RBFOX1: variants seen among roughly 807,000 people sequenced by gnomAD.
RBFOX1 encodes RNA binding fox-1 homolog 1.
A neutral mutation model predicts 57.7 loss-of-function variants in RBFOX1; 8 were observed. The ratio of observed to expected loss-of-function variants is 0.14; its 90% CI spans 0.08 to 0.25. The LOEUF (loss-of-function observed/expected upper bound fraction) is 0.25. Ranked by LOEUF, RBFOX1 falls within the 10% of genes least tolerant of loss-of-function variation. The pLI, the probability that RBFOX1 is intolerant of heterozygous loss-of-function variation, is 1.00. For missense variants in RBFOX1, 611 were observed against 548.5 expected (o/e 1.11, Z -1.14); for synonymous variants, 326 against 222.4 (o/e 1.47, Z -4.15).
intron 3 of RBFOX1, among the ~76,000 whole-genome samples, chr16:6,882,491 G>T (rs192812060): frequency 1.3e-5 from 2 of 152,196 alleles, no homozygotes; most frequent in South Asian, 2.1e-4. Flanking sequence ...CTACTCCGGA[G>T]GGTGAGGCAG....
intron 2 of RBFOX1, among the ~76,000 whole-genome samples, chr16:5,575,616 G>T (rs142669281): frequency 1.3e-5 from 2 of 152,208 alleles, no homozygotes; most frequent in African/African-American, 2.4e-5. Context: ...ACCTGTCTCC[G>T]AAGCAAAGCT....
chr16:7,132,433 G>GACACACACACACAC (rs36226659), intron 4 of RBFOX1, among the ~76,000 whole-genome samples: 1 of 144,804 alleles, frequency 6.9e-6, no homozygotes, highest in Non-Finnish European at 1.5e-5. Flanking sequence ...GTGATACACA[G>GACACACACACACAC]ACACACACAC....
chr16:6,609,612 A>C (rs1310559707), intron 2 of RBFOX1, among the ~76,000 whole-genome samples: 4 of 152,084 alleles, frequency 2.6e-5, no homozygotes, highest in African/African-American at 9.7e-5. Context: ...AAATTTGTTT[A>C]TTTCTTTACT....
chr16:6,017,948 C>T (rs929715978), upstream of RBFOX1, among the ~76,000 whole-genome samples: 2 of 152,170 alleles, frequency 1.3e-5, no homozygotes. Flanking sequence ...ACAGGCGCCT[C>T]AGATCAAGTG....
At chr16:5,515,037 C>A (rs973097387) in intron 2 of RBFOX1, among the ~76,000 whole-genome samples, 12 of 151,792 alleles carry the variant, frequency 7.9e-5, no homozygotes, top group Admixed American at 3.9e-4. Flanking sequence ...GGAGCAAGGT[C>A]CCAGACTCTT....
rs142957870 is a variant in RBFOX1, at chr16:5,925,735, T to C, written c.351+58400T>C. Among the ~76,000 whole-genome samples, 598 of 152,340 alleles carry C rather than the reference T, an allele frequency of 3.9e-3. 5 individuals are homozygous for C. The highest frequency in any genetic ancestry group is 0.037 in the Middle Eastern group (11 of 294). On this transcript the variant is annotated intron_variant, in intron 4 of 19. Transcript: ENST00000641259. ...TTACCTAAAACTGTACATAATTGTA[T>C]GTGTAAAACCAGGTTGTTTTTCTCA...
At position 6,198,321 on chromosome 16, in the gene RBFOX1, G is replaced by C. The variant is rs74006931; in HGVS notation, c.-126-118674G>C. Among the ~76,000 whole-genome samples the C allele has an allele frequency of 2.0e-5, 3 of 152,306 alleles. No individual in the cohort carries two copies. In the East Asian group the frequency reaches 5.8e-4, roughly 29 times the overall value. On this transcript the variant is annotated intron_variant, in intron 1 of 15. Coordinates refer to ENST00000550418, the MANE Select transcript of RBFOX1 (RefSeq NM_018723.4). ...GGAGAAAGAATCAGCAAGACTTGAT[G>C]ACAAGATACATTCAAGGGAATAACA...
chr16:7,475,709 G>C (rs1052390226), intron 4 of RBFOX1, among the ~76,000 whole-genome samples: 1 of 152,168 alleles, frequency 6.6e-6, no homozygotes, highest in Non-Finnish European at 1.5e-5. Context: ...CACATGAATG[G>C]CCTCGGACAA....
At chr16:5,345,580 G>A (rs2065122515) in intron 1 of RBFOX1, among the ~76,000 whole-genome samples, 1 of 152,212 alleles carries the variant, frequency 6.6e-6, no homozygotes, top group Non-Finnish European at 1.5e-5. Context: ...TTCTGTTCAT[G>A]TGAAACAGTA....
At chr16:6,897,527 C>G (rs947836905) in intron 3 of RBFOX1, among the ~76,000 whole-genome samples, 2 of 152,234 alleles carry the variant, frequency 1.3e-5, no homozygotes, top group Non-Finnish European at 2.9e-5. Flanking sequence ...GGTGCAGTGG[C>G]TCACGCCTGT....
chr16:6,590,259 G>A (rs2097691744), intron 2 of RBFOX1, among the ~76,000 whole-genome samples: 1 of 152,138 alleles, frequency 6.6e-6, no homozygotes, highest in Admixed American at 6.5e-5. Flanking sequence ...ATGATCCTCA[G>A]AAATTGTACT....
At chr16:6,387,251 C>T (rs1283447993) in intron 2 of RBFOX1, among the ~76,000 whole-genome samples, 4 of 152,174 alleles carry the variant, frequency 2.6e-5, no homozygotes, top group Admixed American at 2.0e-4. Context: ...CTCCTGTAAG[C>T]ATCCGTAGCC....
intron 4 of RBFOX1, among the ~76,000 whole-genome samples, chr16:7,477,885 G>A (rs2063073771): frequency 6.6e-6 from 1 of 152,110 alleles, no homozygotes; most frequent in African/African-American, 2.4e-5. Context: ...GCTGGCAGCA[G>A]AGTCTAACAA....
At chr16:5,464,714 C>G (rs1296171157) in intron 1 of RBFOX1, among the ~76,000 whole-genome samples, 1 of 152,116 alleles carries the variant, frequency 6.6e-6, no homozygotes, top group African/African-American at 2.4e-5. Flanking sequence ...TGGCAAGAAG[C>G]AAAGAAAACA....
chr16:6,981,046 A>AAAAAAAAAAAAAAAAAAAAAAAAAAC (rs1198584627), intron 3 of RBFOX1, among the ~76,000 whole-genome samples: 1 of 150,876 alleles, frequency 6.6e-6, no homozygotes, highest in African/African-American at 2.4e-5. Context: ...CAGTCTCAAA[A>AAAAAAAAAAAAAAAAAAAAAAAAAAC]AAAAAAAAAA....
intron 1 of RBFOX1, among the ~76,000 whole-genome samples, chr16:6,230,323 T>C (rs930635686): frequency 2.0e-5 from 3 of 152,130 alleles, no homozygotes; most frequent in African/African-American, 7.2e-5. Flanking sequence ...ATTATAACAA[T>C]GTTGTTATAA....
At chr16:7,690,707 C>CTAT (rs1356360076) in intron 14 of RBFOX1, among the ~76,000 whole-genome samples, 1 of 152,046 alleles carries the variant, frequency 6.6e-6, no homozygotes, top group African/African-American at 2.4e-5. Context: ...ATAGCGGAGA[C>CTAT]ATTCGTCTCT....
chr16:7,119,510 A>G (rs2066641831), intron 4 of RBFOX1, among the ~76,000 whole-genome samples: 1 of 152,122 alleles, frequency 6.6e-6, no homozygotes, highest in East Asian at 1.9e-4. Context: ...GATGGGATAT[A>G]TTTAGGGCAA....
chr16:6,020,087 A>G, intron 1 of RBFOX1, 95 bp downstream of exon 1: 4 of 1,294,668 alleles, frequency 3.1e-6, no homozygotes, highest in South Asian at 2.0e-5. Flanking sequence ...GTCCCCGAGA[A>G]CTGGCCTCCT....
Sources: allele counts gnomAD v4.1 joint callset (sites outside exome capture counted in the v4.1 genomes callset), GRCh38; gene constraint gnomAD v4.1.1; transcripts MANE v1.5; gene names NCBI Gene and HGNC (gene_info 2026-07-23, HGNC 2026-07-21).